The following NCALD variants were observed in gnomAD, a reference collection of about 807,000 sequenced individuals.
The protein encoded by NCALD is neurocalcin-delta.
A neutral mutation model predicts 18.6 loss-of-function variants in NCALD; 10 were observed. That is an observed-to-expected ratio of 0.54 (90% CI 0.33 to 0.91). NCALD has a LOEUF of 0.91. Ranked by LOEUF, NCALD falls within the 40% of genes least tolerant of loss-of-function variation. NCALD has a pLI of 0.03. For synonymous variants in NCALD, 88 were observed against 87.4 expected (o/e 1.01, Z -0.04); for missense variants, 184 against 247.6 (o/e 0.74, Z 1.72).
intron 3 of NCALD, chr8:101,692,556 G>A (rs1814778346): frequency 1.0e-6 from 1 of 985,400 alleles, no homozygotes; most frequent in Non-Finnish European, 1.2e-6. Flanking sequence ...CTGTTTTCTT[G>A]GAGGTAGAAG....
Position 102,002,735 on chromosome 8 carries a change from G to A in NCALD, c.-157+17502C>T, listed in dbSNP as rs148635884. Reference sequence around the variant, plus strand: ...AGGATTAAGAAACGCATTCAAAACCGCTCAACTACATGGAAACTGAACAAC... The same window carrying A: ...AGGATTAAGAAACGCATTCAAAACCACTCAACTACATGGAAACTGAACAAC... On this transcript the variant is annotated intron_variant, in intron 2 of 6. Coordinates refer to the NCALD transcript ENST00000311028. Among the ~76,000 whole-genome samples the A allele has an allele frequency of 9.6e-3, 1,461 of 152,170 alleles. 24 individuals are homozygous for A. Among genetic ancestry groups the A allele is most frequent in the African/African-American group, 0.03 (1,241 of 41,512 alleles).
At chr8:102,040,398 C>T (rs1823007612) in intron 1 of NCALD, among the ~76,000 whole-genome samples, 1 of 150,950 alleles carries the variant, frequency 6.6e-6, no homozygotes. Context: ...CACTTGAAAC[C>T]GGGAAGTAGA....
At chr8:101,799,494 T>G (rs944215818) in intron 4 of NCALD, among the ~76,000 whole-genome samples, 2 of 152,208 alleles carry the variant, frequency 1.3e-5, no homozygotes, top group Non-Finnish European at 2.9e-5. Flanking sequence ...CAGCTAGCTT[T>G]GTGACAGCCG....
At chr8:101,772,951 A>G (rs536047822) in intron 1 of NCALD, among the ~76,000 whole-genome samples, 1 of 152,298 alleles carries the variant, frequency 6.6e-6, no homozygotes, top group Non-Finnish European at 1.5e-5. Flanking sequence ...AGACCCTAGT[A>G]TATTATATCA....
intron 1 of NCALD, among the ~76,000 whole-genome samples, chr8:101,744,341 C>T (rs901685308): frequency 2.6e-5 from 4 of 152,204 alleles, no homozygotes; most frequent in African/African-American, 9.6e-5. Flanking sequence ...ATATTTTTAG[C>T]TTCTTGAAAC....
chr8:101,808,674 T>C (rs552444235), intron 4 of NCALD, among the ~76,000 whole-genome samples: 53 of 152,316 alleles, frequency 3.5e-4, no homozygotes, highest in African/African-American at 1.1e-3. Context: ...TCTAAGACTT[T>C]TGCCCCCTTT....
intron 2 of NCALD, among the ~76,000 whole-genome samples, chr8:101,979,380 G>T (rs1820534279): frequency 6.6e-6 from 1 of 152,208 alleles, no homozygotes; most frequent in South Asian, 2.1e-4. Flanking sequence ...GCTGGGGACA[G>T]AGTAATGAAC....
At chr8:101,754,999 C>T (rs1810815544) in intron 1 of NCALD, among the ~76,000 whole-genome samples, 1 of 152,224 alleles carries the variant, frequency 6.6e-6, no homozygotes, top group Non-Finnish European at 1.5e-5. Flanking sequence ...AAGGCCAGTG[C>T]CCTTCCTAGC....
chr8:101,747,917 C>T (rs560413446), intron 1 of NCALD, among the ~76,000 whole-genome samples: 3 of 152,220 alleles, frequency 2.0e-5, no homozygotes, highest in African/African-American at 4.8e-5. Flanking sequence ...GGGGTTTCAC[C>T]ATGTTGGCCA....
chr8:101,828,804 G>A (rs1317571566), intron 4 of NCALD, among the ~76,000 whole-genome samples: 1 of 151,952 alleles, frequency 6.6e-6, no homozygotes, highest in African/African-American at 2.4e-5. Flanking sequence ...CTCCTAGTTG[G>A]GATGTAAGTT....
intron 4 of NCALD, among the ~76,000 whole-genome samples, chr8:101,873,228 A>C (rs905969277): frequency 6.6e-6 from 1 of 152,244 alleles, no homozygotes; most frequent in Non-Finnish European, 1.5e-5. Flanking sequence ...AATAAAGTGA[A>C]CAATCTCCAA....
chr8:101,692,675 G>T, intron 3 of NCALD, 116 bp downstream of exon 3: 1 of 1,403,814 alleles, frequency 7.1e-7, no homozygotes, highest in Non-Finnish European at 9.6e-7. Flanking sequence ...CACCCAGGAG[G>T]CTTGGAGGAT....
rs78934904 is a variant in NCALD, at chr8:101,826,854, G to C, written c.-20+60287C>G. On this transcript the variant is annotated intron_variant, in intron 4 of 6. Transcript: ENST00000311028. The stretch of plus-strand genomic sequence containing the variant: ...CGCTTTAAAATCACTGTTGTGCATA[G>C]AGTCACTGATGAAATATTCATAGAC... 9.5e-3 allele frequency among the ~76,000 whole-genome samples: 1,444 copies of C among 152,230 alleles called. 13 individuals carry two copies. Among genetic ancestry groups the C allele is most frequent in the Middle Eastern group, 0.031 (9 of 294 alleles).
intron 1 of NCALD, among the ~76,000 whole-genome samples, chr8:102,050,825 T>C (rs1823424279): frequency 2.0e-5 from 3 of 146,688 alleles, no homozygotes; most frequent in Admixed American, 6.8e-5. Context: ...ATTTTTAATT[T>C]AATTAATTTA....
chr8:101,804,105 C>T (rs912676480), intron 4 of NCALD, among the ~76,000 whole-genome samples: 5 of 151,958 alleles, frequency 3.3e-5, no homozygotes, highest in Non-Finnish European at 1.5e-5. Flanking sequence ...TTAGAACTTG[C>T]TGAAGGCTCA....
intron 1 of NCALD, among the ~76,000 whole-genome samples, chr8:102,051,370 G>A (rs1586983157): frequency 6.6e-6 from 1 of 152,198 alleles, no homozygotes; most frequent in East Asian, 1.9e-4. Context: ...GACATGGACA[G>A]GTCTCAGTAC....
intron 1 of NCALD, among the ~76,000 whole-genome samples, chr8:102,021,581 G>C (rs1190333738): frequency 6.6e-6 from 1 of 152,162 alleles, no homozygotes; most frequent in Non-Finnish European, 1.5e-5. Flanking sequence ...CCAGGCTGAG[G>C]TGGGTGGGGG....
chr8:101,719,231 T>C (rs1419040368), intron 2 of NCALD, 21 bp downstream of exon 2: 2 of 1,601,350 alleles, frequency 1.2e-6, no homozygotes, highest in Non-Finnish European at 1.7e-6. Context: ...CTTCTTTTTT[T>C]AAAGGGCTCA....
At position 101,893,352 on chromosome 8, in the gene NCALD, T is replaced by C. The variant is rs1434622248; in HGVS notation, c.-106-6125A>G. 2.7e-5 allele frequency among the ~76,000 whole-genome samples: 4 copies of C among 150,016 alleles called. No homozygotes were observed. In the East Asian group the frequency reaches 7.8e-4, roughly 29 times the overall value. On this transcript the variant is annotated intron_variant, in intron 3 of 6. Coordinates refer to the NCALD transcript ENST00000311028. ...ACCACCAGGCCTGACCTAAAAGAGCTCCTGAAGGAAGCGCTAAACATGGAA... is the reference window on the plus strand; with the variant it reads ...ACCACCAGGCCTGACCTAAAAGAGCCCCTGAAGGAAGCGCTAAACATGGAA...
Sources: gnomAD v4.1 joint callset for allele counts (sites outside exome capture counted in the v4.1 genomes callset) on GRCh38, gnomAD v4.1.1 for gene constraint, MANE v1.5 for transcripts, NCBI Gene and HGNC (gene_info 2026-07-23, HGNC 2026-07-21) for gene names.